Variants in ZNF680 observed in about 807,000 individuals in gnomAD.
ZNF680 encodes zinc finger protein 680.
ZNF680 carries 6 observed loss-of-function variants against 12.1 expected under a neutral mutation model. The ratio of observed to expected loss-of-function variants is 0.49; its 90% CI spans 0.27 to 0.98. The LOEUF is 0.98. Among genes scored for constraint, ZNF680 ranks in the 50% least tolerant of loss-of-function variants. The pLI, the probability that ZNF680 is intolerant of heterozygous loss-of-function variation, is 0.12. For synonymous variants in ZNF680, 170 were observed against 199.3 expected, an observed-to-expected ratio of 0.85 and a Z score of 1.24; for missense variants, 561 against 616.3, an observed-to-expected ratio of 0.91 and a Z score of 0.95.
At position 64,520,272 on chromosome 7, in the gene ZNF680, A is replaced by T. The variant is rs985713218; in HGVS notation, c.*889T>A. The T allele has an allele frequency of 1.3e-5, 2 of 151,832 alleles. No homozygotes were observed. The highest frequency in any genetic ancestry group is 4.8e-5 in the African/African-American group (2 of 41,436). 9.4% of individuals were successfully genotyped at this position (151,832 alleles called of 1,614,324 possible). ...CATGTGAATACAATAGGAATGAAAT[A>T]AAGTAATTTGAGAGTTGAATTTCAT... On this transcript the variant is annotated 3_prime_UTR_variant, in exon 4 of 4. Coordinates refer to ENST00000309683, the MANE Select transcript of ZNF680 (RefSeq NM_178558.5).
At chr7:64,548,604 C>G (rs926990502) in intron 1 of ZNF680, among the ~76,000 whole-genome samples, 1 of 152,086 alleles carries the variant, frequency 6.6e-6, no homozygotes, top group African/African-American at 2.4e-5. Context: ...GGGTACCAAC[C>G]AAGACATCTC....
chr7:64,538,899 G>C (rs1786324453), intron 3 of ZNF680, among the ~76,000 whole-genome samples: 1 of 152,080 alleles, frequency 6.6e-6, no homozygotes, highest in Admixed American at 6.5e-5. Context: ...GGAAGGCGGA[G>C]GCGGGTGGAT....
At chr7:64,517,395 G>T (rs182615890), downstream of ZNF680, among the ~76,000 whole-genome samples, 702 of 151,950 alleles carry the variant, frequency 4.6e-3, 3 homozygotes, top group African/African-American at 0.016. Context: ...AGCTTAAATC[G>T]GGAAAAATCA....
the ZNF680 span, among the ~76,000 whole-genome samples, chr7:64,506,024 G>A: frequency 6.6e-6 from 1 of 152,020 alleles, no homozygotes; most frequent in South Asian, 2.1e-4. Flanking sequence ...GGCCACAAAG[G>A]CAACACATTA....
Position 64,521,595 on chromosome 7 carries a change from A to G in ZNF680, c.1159T>C (p.Phe387Leu). The change falls in exon 4 of 4, where the codon TTT becomes CTT. Residue 387 changes from phenylalanine to leucine, a missense_variant. Physicochemically the swap from Phe to Leu is conservative, Grantham distance 22. Transcript: ENST00000309683. ...TCAGTAAGGTTTGAGGACTGTATAA[A>G]AGCTTTGCCGCATTCTTCACATTTG... The part of the protein sequence containing the change: ...SYKCEECGKA[F>L]IQSSNLTEHM... The G allele has an allele frequency of 1.2e-6, 2 of 1,612,424 alleles. No homozygotes were observed. The highest frequency in any genetic ancestry group is 1.1e-5 in the South Asian group (1 of 91,022).
the ZNF680 span, chr7:64,501,816 T>C: frequency 1.6e-6 from 1 of 622,246 alleles, no homozygotes; most frequent in East Asian, 3.4e-5. Context: ...GATCTTCTTC[T>C]CTAGTATCTT....
chr7:64,504,298 G>A, the ZNF680 span, among the ~76,000 whole-genome samples: 6 of 152,290 alleles, frequency 3.9e-5, no homozygotes, highest in South Asian at 2.1e-4. Flanking sequence ...TGCTGCTATC[G>A]CTGTTTAACG....
In ZNF680 at chr7:64,522,302, C is replaced by T. The variant is rs771911311; in HGVS notation, c.452G>A (p.Ser151Asn). ...ELNQCLRTTQSKIFQCDKYVK... is the reference protein window; with the variant it reads ...ELNQCLRTTQNKIFQCDKYVK... ...GTATTTATCACATTGAAATATTTTG[C>T]TCTGGGTAGTTCTCAAACATTGGTT... The change falls in exon 4 of 4, where the codon AGC becomes AAC. Residue 151 changes from serine (S) to asparagine (N), a missense_variant. Ser to Asn is a conservative substitution (Grantham distance 46). Transcript: ENST00000309683. 2 of 1,613,038 alleles carry T rather than the reference C, an allele frequency of 1.2e-6. No individual in the cohort carries two copies. The highest frequency in any genetic ancestry group is 1.7e-6 in the Non-Finnish European group (2 of 1,179,436).
intron 3 of ZNF680, among the ~76,000 whole-genome samples, chr7:64,530,200 T>A (rs573659574): frequency 2.2e-4 from 33 of 152,242 alleles, no homozygotes; most frequent in African/African-American, 7.5e-4. Flanking sequence ...CAGAACCTCT[T>A]TAAAGCATAA....
intron 3 of ZNF680, among the ~76,000 whole-genome samples, chr7:64,531,317 C>T (rs1396126328): frequency 1.3e-5 from 2 of 152,012 alleles, no homozygotes; most frequent in Non-Finnish European, 2.9e-5. Flanking sequence ...AGAAATCAGC[C>T]GGGCGCAGTG....
intron 1 of ZNF680, among the ~76,000 whole-genome samples, chr7:64,562,508 C>G (rs1787800582): frequency 6.6e-6 from 1 of 152,188 alleles, no homozygotes; most frequent in African/African-American, 2.4e-5. Context: ...GGGTGCTCTA[C>G]GATTTTTGAA....
At chr7:64,503,961 A>AT in the ZNF680 span, among the ~76,000 whole-genome samples, 4 of 152,198 alleles carry the variant, frequency 2.6e-5, no homozygotes, top group African/African-American at 9.6e-5. Context: ...TTTAAACAAA[A>AT]TAAGTATATG....
chr7:64,501,049 G>T, the ZNF680 span: 1 of 753,866 alleles, frequency 1.3e-6, no homozygotes. Context: ...CAGAATAATT[G>T]CTGGCCAGGT....
At chr7:64,501,164 C>A in the ZNF680 span, 1 of 874,086 alleles carries the variant, frequency 1.1e-6, no homozygotes, top group Non-Finnish European at 1.9e-6. Flanking sequence ...CCTTCTCCAT[C>A]GCCTCTATTC....
chr7:64,537,939 A>C (rs1343266943), intron 3 of ZNF680, among the ~76,000 whole-genome samples: 2 of 152,252 alleles, frequency 1.3e-5, no homozygotes, highest in South Asian at 2.1e-4. Flanking sequence ...CCAAAAAAAA[A>C]CAAAAAAACA....
intron 3 of ZNF680, among the ~76,000 whole-genome samples, chr7:64,540,303 CTTTTTT>C (rs61265238): frequency 1.5e-5 from 2 of 129,150 alleles, no homozygotes; most frequent in South Asian, 2.3e-4. Flanking sequence ...CTGATTTATC[CTTTTTT>C]TTTTTTTTTT....
intron 1 of ZNF680, among the ~76,000 whole-genome samples, chr7:64,559,405 G>A (rs1346572042): frequency 2.6e-5 from 4 of 152,252 alleles, no homozygotes; most frequent in Non-Finnish European, 2.9e-5. Context: ...AGACAGCCGG[G>A]CCAGAGTGAC....
chr7:64,543,105 C>T (rs184771730), intron 3 of ZNF680, among the ~76,000 whole-genome samples: 1 of 151,470 alleles, frequency 6.6e-6, no homozygotes, highest in East Asian at 1.9e-4. Flanking sequence ...AACTCCCTAT[C>T]GAAATTCCAG....
the ZNF680 span, among the ~76,000 whole-genome samples, chr7:64,510,930 AAAAAATAAAAAT>A: frequency 5.4e-5 from 1 of 18,384 alleles, no homozygotes; most frequent in Non-Finnish European, 9.4e-5. Flanking sequence ...AATAAAAAAT[AAAAAATAAAAAT>A]AAAAATAAAA....
Sources: gnomAD v4.1 joint callset for allele counts (sites outside exome capture counted in the v4.1 genomes callset) on GRCh38, gnomAD v4.1.1 for gene constraint, MANE v1.5 for transcripts, NCBI Gene and HGNC (gene_info 2026-07-23, HGNC 2026-07-21) for gene names.